The following KCNAB1 variants were observed in gnomAD, a reference collection of about 807,000 sequenced individuals.
The protein encoded by KCNAB1 is potassium voltage-gated channel subfamily A regulatory beta subunit 1, also known as voltage-gated potassium channel subunit beta-1.
In KCNAB1, 35 loss-of-function variants were observed where a neutral mutation model predicts 64.6. The observed-to-expected ratio is 0.54, with a 90% confidence interval of 0.41 to 0.72. The LOEUF is 0.72. Ranked by LOEUF, KCNAB1 falls within the 30% of genes least tolerant of loss-of-function variation. KCNAB1 has a pLI of 0.00. For synonymous variants in KCNAB1, 177 were observed against 183.8 expected (o/e 0.96, Z 0.30); for missense variants, 401 against 512.9 (o/e 0.78, Z 2.11).
chr3:156,487,810 G>T (rs1053248339), intron 8 of KCNAB1, among the ~76,000 whole-genome samples: 1 of 151,850 alleles, frequency 6.6e-6, no homozygotes, highest in African/African-American at 2.4e-5. Flanking sequence ...ACTTTAAAAT[G>T]AATGTTTTTA....
At chr3:156,423,120 AGCTGAAG>A (rs1325792533) in intron 2 of KCNAB1, among the ~76,000 whole-genome samples, 2 of 152,222 alleles carry the variant, frequency 1.3e-5, no homozygotes, top group Non-Finnish European at 2.9e-5. Context: ...GAAAGAGACA[AGCTGAAG>A]GCTACTCTTT....
intron 8 of KCNAB1, among the ~76,000 whole-genome samples, chr3:156,513,889 G>A (rs1576961789): frequency 6.6e-6 from 1 of 152,138 alleles, no homozygotes; most frequent in African/African-American, 2.4e-5. Flanking sequence ...ACCTCTCTTA[G>A]AGACCCATTC....
intron 1 of KCNAB1, among the ~76,000 whole-genome samples, chr3:156,325,678 T>A (rs1722928117): frequency 6.6e-6 from 1 of 151,794 alleles, no homozygotes; most frequent in Non-Finnish European, 1.5e-5. Flanking sequence ...ACTGGCCAGG[T>A]GTGGTGGCTC....
chr3:156,515,666 T>C (rs1285750387), intron 10 of KCNAB1, among the ~76,000 whole-genome samples: 1 of 152,232 alleles, frequency 6.6e-6, no homozygotes. Flanking sequence ...AGTCGGGTAC[T>C]ATACATTTGT....
intron 8 of KCNAB1, among the ~76,000 whole-genome samples, chr3:156,486,129 A>G (rs1715194609): frequency 6.6e-6 from 1 of 152,122 alleles, no homozygotes; most frequent in South Asian, 2.1e-4. Flanking sequence ...GACTATGTGA[A>G]TAGCCTGTCC....
chr3:156,394,471 G>A (rs1713277176), intron 1 of KCNAB1, among the ~76,000 whole-genome samples: 1 of 152,194 alleles, frequency 6.6e-6, no homozygotes, highest in Non-Finnish European at 1.5e-5. Context: ...CTGGGCAGAG[G>A]AGAGGTGAAC....
chr3:156,265,587 C>T (rs1718653409), intron 1 of KCNAB1, among the ~76,000 whole-genome samples: 2 of 152,338 alleles, frequency 1.3e-5, no homozygotes, highest in South Asian at 4.1e-4. Context: ...TATGGGCAGG[C>T]TCACCTGCCC....
At chr3:156,142,160 C>G (rs1390265553) in intron 1 of KCNAB1, among the ~76,000 whole-genome samples, 1 of 152,126 alleles carries the variant, frequency 6.6e-6, no homozygotes, top group Non-Finnish European at 1.5e-5. Flanking sequence ...AGTCTTTTGT[C>G]AGATATGTGG....
In KCNAB1 at chr3:156,413,586, A is replaced by T. The variant is rs115446961; in HGVS notation, c.276-8030A>T. On this transcript the variant is annotated intron_variant, in intron 1 of 13. Coordinates refer to ENST00000490337, the MANE Select transcript of KCNAB1 (RefSeq NM_172160.3). ...CCATACATTTCCCAAGGCTTTGCTG[A>T]TAGTAAGTGATAGAGGCACTGCCGC... 3.3e-3 allele frequency among the ~76,000 whole-genome samples: 497 copies of T among 152,346 alleles called. 5 individuals carry two copies. The highest frequency in any genetic ancestry group is 0.012 in the African/African-American group (480 of 41,578).
At chr3:156,343,958 A>C (rs537680286) in intron 1 of KCNAB1, among the ~76,000 whole-genome samples, 2 of 152,288 alleles carry the variant, frequency 1.3e-5, no homozygotes, top group South Asian at 4.1e-4. Flanking sequence ...CTAATTTATT[A>C]TGTTGTTACT....
intron 1 of KCNAB1, among the ~76,000 whole-genome samples, chr3:156,385,918 T>C (rs1375809496): frequency 1.3e-5 from 2 of 152,222 alleles, no homozygotes; most frequent in African/African-American, 4.8e-5. Flanking sequence ...ATCACCTCTT[T>C]AGGTCAAAGA....
intron 11 of KCNAB1, among the ~76,000 whole-genome samples, chr3:156,518,008 T>C (rs769731787): frequency 1.1e-4 from 16 of 152,200 alleles, no homozygotes; most frequent in Non-Finnish European, 1.9e-4. Flanking sequence ...GAAGTAGCTA[T>C]GATGTATTTG....
chr3:156,358,174 A>G (rs1725383719), intron 1 of KCNAB1, among the ~76,000 whole-genome samples: 1 of 152,248 alleles, frequency 6.6e-6, no homozygotes, highest in African/African-American at 2.4e-5. Flanking sequence ...TTGAGCCACC[A>G]TAGATCTCAC....
chr3:156,219,002 T>C (rs1715520971), intron 1 of KCNAB1, among the ~76,000 whole-genome samples: 2 of 151,292 alleles, frequency 1.3e-5, no homozygotes, highest in South Asian at 2.1e-4. Context: ...TCTACCCAAA[T>C]GAGAAGGAAT....
chr3:156,471,356 A>AT lies in KCNAB1; in HGVS notation c.572-3368dup, dbSNP rs372461345. 2.6e-3 allele frequency among the ~76,000 whole-genome samples: 390 copies of AT among 150,634 alleles called. 1 individual carries two copies. The highest frequency in any genetic ancestry group is 0.016 in the East Asian group (82 of 5,162). On this transcript the variant is annotated intron_variant, in intron 7 of 13. Coordinates refer to ENST00000490337, the MANE Select transcript of KCNAB1 (RefSeq NM_172160.3). The stretch of plus-strand genomic sequence containing the variant: ...GAACCTAAAAGAAAAATGGACTTAG[A>AT]TTTTTTTTTTACTGTAGTCACTTGA...
chr3:156,385,609 T>G (rs992997775), intron 1 of KCNAB1, among the ~76,000 whole-genome samples: 3 of 152,142 alleles, frequency 2.0e-5, no homozygotes, highest in African/African-American at 7.2e-5. Context: ...GCAAAATAAA[T>G]TATACTAAGA....
chr3:156,326,423 G>A (rs1337577317), intron 1 of KCNAB1, among the ~76,000 whole-genome samples: 2 of 152,132 alleles, frequency 1.3e-5, no homozygotes, highest in Non-Finnish European at 2.9e-5. Context: ...GGCCTGTAGG[G>A]AGGTGCCCAC....
chr3:156,162,235 G>A (rs1199830520), intron 1 of KCNAB1, among the ~76,000 whole-genome samples: 6 of 145,622 alleles, frequency 4.1e-5, no homozygotes, highest in South Asian at 4.4e-4. Flanking sequence ...AGAGTATTTA[G>A]GACATATTTA....
chr3:156,157,717 A>G (rs1305564027), intron 1 of KCNAB1, among the ~76,000 whole-genome samples: 1 of 152,236 alleles, frequency 6.6e-6, no homozygotes, highest in African/African-American at 2.4e-5. Flanking sequence ...TTCAGTCAAA[A>G]TAACATAGAT....
Sources: gnomAD v4.1 joint callset for allele counts (sites outside exome capture counted in the v4.1 genomes callset) on GRCh38, gnomAD v4.1.1 for gene constraint, MANE v1.5 for transcripts, NCBI Gene and HGNC (gene_info 2026-07-23, HGNC 2026-07-21) for gene names.